CENPP: variants seen among roughly 807,000 people sequenced by gnomAD.
CENPP encodes centromere protein P.
A neutral mutation model predicts 35.6 loss-of-function variants in CENPP; 24 were observed. The ratio of observed to expected loss-of-function variants is 0.67; its 90% CI spans 0.49 to 0.95. The LOEUF is 0.95. Ranked by LOEUF, CENPP falls within the 40% of genes least tolerant of loss-of-function variation. The pLI, the probability that CENPP is intolerant of heterozygous loss-of-function variation, is 0.00. For synonymous variants in CENPP, 120 were observed against 125.5 expected (o/e 0.96, Z 0.29); for missense variants, 332 against 345.3 (o/e 0.96, Z 0.31).
intron 5 of CENPP, among the ~76,000 whole-genome samples, chr9:92,549,614 TC>T (rs1167962216): frequency 6.9e-6 from 1 of 145,366 alleles, no homozygotes; most frequent in African/African-American, 2.6e-5. Flanking sequence ...GCCACTGCAC[TC>T]CAGCCTGAGT....
intron 5 of CENPP, among the ~76,000 whole-genome samples, chr9:92,470,129 C>T (rs1845457714): frequency 6.6e-6 from 1 of 151,984 alleles, no homozygotes; most frequent in Non-Finnish European, 1.5e-5. Context: ...ACACCCAGCC[C>T]AAAATGTTAA....
intron 5 of CENPP, among the ~76,000 whole-genome samples, chr9:92,394,606 T>G (rs1842817758): frequency 6.6e-6 from 1 of 151,668 alleles, no homozygotes; most frequent in Admixed American, 6.6e-5. Context: ...ATTTTTTGAA[T>G]TTTTTTTCTT....
chr9:92,343,719 G>GC (rs1385802623), intron 3 of CENPP, among the ~76,000 whole-genome samples: 1 of 152,180 alleles, frequency 6.6e-6, no homozygotes, highest in Non-Finnish European at 1.5e-5. Context: ...GCCAAGGCAG[G>GC]AGGATAGCTT....
intron 5 of CENPP, chr9:92,401,145 T>G (rs1843094824): frequency 6.4e-7 from 1 of 1,559,970 alleles, no homozygotes; most frequent in African/African-American, 1.4e-5. Context: ...TTTTTGTAAT[T>G]GAAGACTTTT....
chr9:92,514,778 G>C (rs764812951), intron 5 of CENPP: 1 of 1,614,008 alleles, frequency 6.2e-7, no homozygotes, highest in African/African-American at 1.3e-5. Flanking sequence ...AGCGGGGATC[G>C]AGAGGGCATT....
chr9:92,481,516 C>T (rs780798007), intron 5 of CENPP, among the ~76,000 whole-genome samples: 4 of 152,118 alleles, frequency 2.6e-5, no homozygotes, highest in South Asian at 4.2e-4. Flanking sequence ...GAATGCTGTG[C>T]GCTATTTAGA....
At chr9:92,378,096 G>C (rs1041907396) in intron 4 of CENPP, among the ~76,000 whole-genome samples, 3 of 152,166 alleles carry the variant, frequency 2.0e-5, no homozygotes, top group Non-Finnish European at 4.4e-5. Flanking sequence ...CTTGGTGTCA[G>C]TTGGGGCTAG....
At chr9:92,326,253 G>C (rs1564256725) in intron 1 of CENPP, 148 bp downstream of exon 1, 2 of 616,678 alleles carry the variant, frequency 3.2e-6, no homozygotes, top group East Asian at 3.0e-5. Flanking sequence ...CGATGGCCTA[G>C]AGTTGGGAGC....
chr9:92,533,980 G>A (rs1011821134), intron 5 of CENPP, among the ~76,000 whole-genome samples: 2 of 151,902 alleles, frequency 1.3e-5, no homozygotes, highest in Non-Finnish European at 2.9e-5. Flanking sequence ...GTAAAAGAAT[G>A]GAATGTACCT....
intron 5 of CENPP, chr9:92,505,403 A>G (rs748549923): frequency 1.3e-4 from 106 of 808,756 alleles, no homozygotes; most frequent in Non-Finnish European, 1.8e-4. Context: ...TGCTTAAATT[A>G]CAGGAAATTC....
intron 5 of CENPP, among the ~76,000 whole-genome samples, chr9:92,471,496 G>A (rs572555754): frequency 3.6e-4 from 55 of 151,580 alleles, no homozygotes; most frequent in African/African-American, 1.3e-3. Flanking sequence ...CACCCAGCCG[G>A]GTCTTGATCA....
intron 5 of CENPP, among the ~76,000 whole-genome samples, chr9:92,427,996 C>T (rs72752477): frequency 0.031 from 4,659 of 152,108 alleles, 108 homozygotes; most frequent in South Asian, 0.075. Context: ...GAAGTAACCA[C>T]CTCTCAGCAT....
intron 5 of CENPP, among the ~76,000 whole-genome samples, chr9:92,605,803 G>T (rs1239004147): frequency 6.6e-6 from 1 of 152,008 alleles, no homozygotes; most frequent in Non-Finnish European, 1.5e-5. Context: ...ACTTAAATTG[G>T]ATTTCATCAA....
chr9:92,456,857 C>T, intron 5 of CENPP: 1 of 629,392 alleles, frequency 1.6e-6, no homozygotes, highest in Non-Finnish European at 2.0e-6. Context: ...TAGTGTAATG[C>T]ACTCTTCACA....
chr9:92,618,337 G>C lies in CENPP; in HGVS notation c.*5188G>C. The stretch of plus-strand genomic sequence containing the variant: ...TAGTGTCGTTTCTGCTGAGCAGCTG[G>C]TCGTAAGGACCCGGGCCTTCAGCTT... On this transcript the variant is annotated 3_prime_UTR_variant, in exon 8 of 8. Coordinates refer to ENST00000375587, the MANE Select transcript of CENPP (RefSeq NM_001012267.3). 1 of 456,660 alleles carries C rather than the reference G, an allele frequency of 2.2e-6. No homozygotes were observed. The highest frequency in any genetic ancestry group is 4.4e-6 in the Non-Finnish European group (1 of 226,958). The allele number at this position is 456,660 out of a possible 1,614,324, so 28.3% of individuals were successfully genotyped here. A position where few individuals can be genotyped will look rare whatever the true frequency, so the allele number is the denominator to read the frequency against.
intron 5 of CENPP, among the ~76,000 whole-genome samples, chr9:92,559,448 A>C (rs542911414): frequency 6.6e-6 from 1 of 152,156 alleles, no homozygotes; most frequent in African/African-American, 2.4e-5. Flanking sequence ...CACTTCCGCA[A>C]TTGGGGCACT....
Position 92,616,067 on chromosome 9 carries a change from A to T in CENPP, c.*2918A>T. 6.2e-7 allele frequency: 1 copy of T among 1,602,810 alleles called. No individual in the cohort carries two copies. Among genetic ancestry groups the T allele is most frequent in the Non-Finnish European group, 8.5e-7 (1 of 1,170,994 alleles). ...AGGCCTTTGATCAGAGCTGCAAGTA[A>T]AAAGTACCATTTCAGGATACACAAG... On this transcript the variant is annotated 3_prime_UTR_variant, in exon 8 of 8. Coordinates refer to ENST00000375587, the MANE Select transcript of CENPP (RefSeq NM_001012267.3).
chr9:92,565,192 C>T (rs1388411669), intron 5 of CENPP, among the ~76,000 whole-genome samples: 1 of 139,804 alleles, frequency 7.2e-6, no homozygotes, highest in Non-Finnish European at 1.5e-5. Context: ...GCAGCTTCTA[C>T]AGTAGGGGTG....
At chr9:92,459,438 T>C (rs1318098181) in intron 5 of CENPP, among the ~76,000 whole-genome samples, 2 of 152,248 alleles carry the variant, frequency 1.3e-5, no homozygotes, top group Non-Finnish European at 2.9e-5. Context: ...ATCCTGAGCT[T>C]TCTTGTGACG....
Sources: gnomAD v4.1 joint callset for allele counts (sites outside exome capture counted in the v4.1 genomes callset) on GRCh38, gnomAD v4.1.1 for gene constraint, MANE v1.5 for transcripts, NCBI Gene and HGNC (gene_info 2026-07-23, HGNC 2026-07-21) for gene names.